EDA: variants seen among roughly 807,000 people sequenced by gnomAD.
EDA encodes the protein ectodysplasin-A.
EDA carries 2 observed loss-of-function variants against 23.6 expected under a neutral mutation model. The observed-to-expected ratio is 0.08, with a 90% CI of 0.03 to 0.27. The LOEUF (loss-of-function observed/expected upper bound fraction) is 0.27, where lower values mean the gene tolerates loss of function less well. EDA is among the 10% of genes least tolerant of loss of function. The pLI is 1.00. For synonymous variants in EDA, 131 were observed against 132.0 expected, an observed-to-expected ratio of 0.99 and a Z score of 0.05; for missense variants, 229 against 324.2, an observed-to-expected ratio of 0.71 and a Z score of 2.26.
rs368837639 is a variant in EDA at position 69,728,196 on chromosome X, A to C, written c.396+111492A>C. Among the ~76,000 whole-genome samples, 29 of 108,382 alleles carry C rather than the reference A, an allele frequency of 2.7e-4. No homozygotes were observed. The East Asian group carries it at 8.1e-3, about 30-fold the overall frequency. The allele number at this position is 108,382 out of a possible 115,157, so 94.1% of individuals were successfully genotyped here. A position where few individuals can be genotyped will look rare whatever the true frequency, so the allele number is the denominator to read the frequency against. On this transcript the variant is annotated intron_variant, in intron 1 of 7. Coordinates refer to ENST00000374552, the MANE Select transcript of EDA (RefSeq NM_001399.5). The stretch of plus-strand genomic sequence containing the variant: ...GAGGCGGAGGTTTCGGTGAGCTGTC[A>C]TCACACCACTGCACTCCAGCCTGGG...
At chrX:69,885,787 A>C (rs760045944) in intron 1 of EDA, among the ~76,000 whole-genome samples, 10 of 111,596 alleles carry the variant, frequency 9.0e-5, no homozygotes, top group Non-Finnish European at 1.9e-4. Context: ...AGCCCCATCT[A>C]CCTGTGGGCT....
At chrX:69,762,547 A>T (rs1447951690) in intron 1 of EDA, among the ~76,000 whole-genome samples, 1 of 112,432 alleles carries the variant, frequency 8.9e-6, no homozygotes, top group Non-Finnish European at 1.9e-5. Context: ...CACTTGGTAC[A>T]GCATGTGCAT....
intron 2 of EDA, among the ~76,000 whole-genome samples, chrX:69,960,516 C>T (rs1199196483): frequency 9.0e-6 from 1 of 110,939 alleles, no homozygotes; most frequent in African/African-American, 3.3e-5. Flanking sequence ...CTACACTAAA[C>T]ATCACTGTGT....
At chrX:69,664,202 G>T (rs1933603956) in intron 1 of EDA, among the ~76,000 whole-genome samples, 1 of 111,792 alleles carries the variant, frequency 8.9e-6, no homozygotes, top group African/African-American at 3.3e-5. Context: ...TGGTTTGGCT[G>T]TGTCGCCACC....
chrX:70,022,676 C>A (rs186058263), intron 2 of EDA, among the ~76,000 whole-genome samples: 6 of 111,556 alleles, frequency 5.4e-5, no homozygotes, highest in African/African-American at 2.0e-4. Flanking sequence ...TAGTAAATTA[C>A]AATGGAAATG....
intron 2 of EDA, among the ~76,000 whole-genome samples, chrX:70,004,356 G>A (rs2019774520): frequency 9.0e-6 from 1 of 111,550 alleles, no homozygotes; most frequent in East Asian, 2.8e-4. Flanking sequence ...AGATTGGGAT[G>A]GGATGGGGCG....
chrX:69,891,278 G>A (rs927140044), intron 1 of EDA, among the ~76,000 whole-genome samples: 1 of 111,758 alleles, frequency 8.9e-6, no homozygotes, highest in African/African-American at 3.2e-5. Context: ...CTTTTACACT[G>A]TTGGTAGGAG....
At chrX:69,890,288 A>G (rs1199785820) in intron 1 of EDA, among the ~76,000 whole-genome samples, 1 of 111,278 alleles carries the variant, frequency 9.0e-6, no homozygotes, top group Non-Finnish European at 1.9e-5. Flanking sequence ...TATTATGAAA[A>G]TGGCCATACT....
At chrX:69,998,085 A>T (rs1602595126) in intron 2 of EDA, among the ~76,000 whole-genome samples, 1 of 111,301 alleles carries the variant, frequency 9.0e-6, no homozygotes, top group South Asian at 3.8e-4. Flanking sequence ...GAGGGCCACC[A>T]TCCTCCAGAC....
intron 1 of EDA, among the ~76,000 whole-genome samples, chrX:69,890,507 A>G (rs1320807509): frequency 9.0e-6 from 1 of 111,498 alleles, no homozygotes; most frequent in Non-Finnish European, 1.9e-5. Context: ...ACTATACTAT[A>G]GGGCTACAGT....
intron 1 of EDA, among the ~76,000 whole-genome samples, chrX:69,875,584 T>C (rs1405703712): frequency 8.9e-6 from 1 of 111,870 alleles, no homozygotes; most frequent in African/African-American, 3.2e-5. Context: ...GCAAATTTAC[T>C]TCATGACCAA....
chrX:69,743,529 A>T, intron 1 of EDA, among the ~76,000 whole-genome samples: 1 of 111,896 alleles, frequency 8.9e-6, no homozygotes, highest in Non-Finnish European at 1.9e-5. Flanking sequence ...CTGGGCTAAG[A>T]TCATGTAACA....
rs1450186880 is a variant in EDA, at chrX:70,030,539, T to C, written c.793+19T>C. On this transcript the variant is annotated intron_variant, in intron 6 of 7. Coordinates refer to ENST00000374552, the MANE Select transcript of EDA (RefSeq NM_001399.5). ...AAGAATGGTAAGAATCAAAATAGGCTCTCTCCCAAAGAGGAGCTTCTCCCC... is the reference window on the plus strand; with the variant it reads ...AAGAATGGTAAGAATCAAAATAGGCCCTCTCCCAAAGAGGAGCTTCTCCCC... 8.5e-6 allele frequency: 10 copies of C among 1,178,663 alleles called. No homozygotes were observed. Among genetic ancestry groups the C allele is most frequent in the African/African-American group, 1.8e-5 (1 of 56,350 alleles).
intron 1 of EDA, among the ~76,000 whole-genome samples, chrX:69,907,078 G>T (rs2018190157): frequency 9.0e-6 from 1 of 111,663 alleles, no homozygotes. Flanking sequence ...TCATACTAGA[G>T]TTTGTAATAA....
intron 1 of EDA, among the ~76,000 whole-genome samples, chrX:69,832,494 T>G (rs1180077539): frequency 3.6e-5 from 4 of 111,941 alleles, no homozygotes; most frequent in East Asian, 5.6e-4. Context: ...TTGTTCTTTT[T>G]GCTTAGGATT....
Position 69,859,515 on chromosome X carries a change from A to T in EDA, c.397-97512A>T, listed in dbSNP as rs937042617. On this transcript the variant is annotated intron_variant, in intron 1 of 7. Coordinates refer to ENST00000374552, the MANE Select transcript of EDA (RefSeq NM_001399.5). ...AAAGTCATTCAGGAGCAGGTTATTCAATTTCCATGTAATTGTATGGTCTTG... is the reference window on the plus strand; with the variant it reads ...AAAGTCATTCAGGAGCAGGTTATTCTATTTCCATGTAATTGTATGGTCTTG... Among the ~76,000 whole-genome samples, 3 of 112,137 alleles carry T rather than the reference A, an allele frequency of 2.7e-5. No homozygotes were observed. The Admixed American group carries it at 2.9e-4, about 11-fold the overall frequency.
chrX:69,991,338 C>A (rs778989791), intron 2 of EDA, among the ~76,000 whole-genome samples: 30 of 111,540 alleles, frequency 2.7e-4, no homozygotes, highest in African/African-American at 9.8e-4. Context: ...CTCTGGCCTA[C>A]TTCTGTGGGC....
chrX:69,789,211 G>T lies in EDA; in HGVS notation c.397-167816G>T, dbSNP rs754209078. Among the ~76,000 whole-genome samples the T allele has an allele frequency of 6.3e-5, 7 of 111,982 alleles. No homozygotes were observed. The East Asian group carries it at 1.7e-3, about 27-fold the overall frequency. On this transcript the variant is annotated intron_variant, in intron 1 of 7. Transcript: ENST00000374552. Reference sequence around the variant, plus strand: ...ACTGTCTCGCACTCCCTAGTGAGATGAACCCGGTACCTCAGATGGAAATGC... The same window carrying T: ...ACTGTCTCGCACTCCCTAGTGAGATTAACCCGGTACCTCAGATGGAAATGC...
chrX:69,805,512 A>AT (rs750655263), intron 1 of EDA, among the ~76,000 whole-genome samples: 4 of 111,229 alleles, frequency 3.6e-5, no homozygotes, highest in Admixed American at 9.6e-5. Flanking sequence ...TTTTAGTTTT[A>AT]TTTTTTTACC....
Sources: gnomAD v4.1 joint callset for allele counts (sites outside exome capture counted in the v4.1 genomes callset) on GRCh38, gnomAD v4.1.1 for gene constraint, MANE v1.5 for transcripts, NCBI Gene and HGNC (gene_info 2026-07-23, HGNC 2026-07-21) for gene names.